Variants in GALNT17 observed in about 807,000 individuals in gnomAD.
GALNT17 encodes polypeptide N-acetylgalactosaminyltransferase 17.
A neutral mutation model predicts 63.7 loss-of-function variants in GALNT17; 29 were observed. That is an observed-to-expected ratio of 0.46 (90% CI 0.34 to 0.62). GALNT17 has a LOEUF of 0.62. Ranked by LOEUF, GALNT17 falls within the 20% of genes least tolerant of loss-of-function variation. The pLI, the probability that GALNT17 is intolerant of heterozygous loss-of-function variation, is 0.01. For missense variants in GALNT17, 603 were observed against 799.6 expected (o/e 0.75, Z 2.97); for synonymous variants, 305 against 318.3 (o/e 0.96, Z 0.45).
intron 1 of GALNT17, among the ~76,000 whole-genome samples, chr7:71,177,744 A>G (rs895801115): frequency 5.9e-5 from 9 of 152,228 alleles, no homozygotes; most frequent in African/African-American, 2.2e-4. Context: ...GAGCATGCAT[A>G]TAGCTTGTGT....
intron 5 of GALNT17, among the ~76,000 whole-genome samples, chr7:71,428,988 G>C (rs1786811998): frequency 6.6e-6 from 1 of 152,110 alleles, no homozygotes; most frequent in African/African-American, 2.4e-5. Flanking sequence ...CTCCCTTCAG[G>C]TACAGTTTGC....
chr7:71,202,831 C>G (rs1789199620), intron 1 of GALNT17, among the ~76,000 whole-genome samples: 1 of 152,178 alleles, frequency 6.6e-6, no homozygotes, highest in South Asian at 2.1e-4. Flanking sequence ...ATAAGTTTGA[C>G]TTTTTTAGAT....
chr7:71,218,931 G>A (rs1277990244), intron 1 of GALNT17, among the ~76,000 whole-genome samples: 1 of 152,106 alleles, frequency 6.6e-6, no homozygotes, highest in African/African-American at 2.4e-5. Flanking sequence ...TAGCAGTAAA[G>A]TGCAGAATAA....
chr7:71,345,147 GT>G (rs67919212), intron 2 of GALNT17, among the ~76,000 whole-genome samples: 55,133 of 139,314 alleles, frequency 0.4, 10,359 homozygotes, highest in East Asian at 0.55. Flanking sequence ...GTTGTTTTTT[GT>G]TTTTTTTTTT....
rs1250097585 is a variant in GALNT17, at chr7:71,559,898, A to AG, written c.963-11387_963-11386insG. ...GAAACACATTTTCAACATTAAAAAC[A>AG]AAAAAAAAAAAATCAGCCAGGCGCG... is the stretch of plus-strand genomic sequence containing the variant. On this transcript the variant is annotated intron_variant, in intron 5 of 10. Transcript: ENST00000333538. Among the ~76,000 whole-genome samples the AG allele has an allele frequency of 8.1e-5, 8 of 98,822 alleles. No individual in the cohort carries two copies. In the East Asian group the frequency reaches 1.4e-3, roughly 17 times the overall value. 64.8% of individuals were successfully genotyped at this position (98,822 alleles called of 152,430 possible). A position where few individuals can be genotyped will look rare whatever the true frequency, so the allele number is the denominator to read the frequency against.
Position 71,384,079 on chromosome 7 carries a change from T to G in GALNT17, c.423-4156T>G, listed in dbSNP as rs551472818. Reference sequence around the variant, plus strand: ...AACAGTGCACAAGGGTTTCAATTTCTCCGCATCCTCTTCAACACTTGTTAT... The same window carrying G: ...AACAGTGCACAAGGGTTTCAATTTCGCCGCATCCTCTTCAACACTTGTTAT... On this transcript the variant is annotated intron_variant, in intron 2 of 10. Transcript: ENST00000333538. Among the ~76,000 whole-genome samples the G allele has an allele frequency of 1.0e-3, 157 of 152,324 alleles. 1 individual carries two copies. Among genetic ancestry groups the G allele is most frequent in the Non-Finnish European group, 1.6e-3 (112 of 68,034 alleles).
At chr7:71,539,236 A>G (rs1345295336) in intron 5 of GALNT17, among the ~76,000 whole-genome samples, 3 of 152,146 alleles carry the variant, frequency 2.0e-5, no homozygotes, top group Non-Finnish European at 4.4e-5. Flanking sequence ...GCCCAGCCTC[A>G]GGATACTCAT....
In GALNT17 at chr7:71,173,638, C is replaced by T. The variant is rs945648495; in HGVS notation, c.238+40598C>T. ...AAATACAAAAATTAGCTGGGCATGG[C>T]GGTGCACACTTGTAATCCCAGCTAC... On this transcript the variant is annotated intron_variant, in intron 1 of 10. Transcript: ENST00000333538. 3.9e-5 allele frequency among the ~76,000 whole-genome samples: 6 copies of T among 152,036 alleles called. 1 individual carries two copies. The highest frequency in any genetic ancestry group is 3.9e-4 in the East Asian group (2 of 5,134).
Position 71,707,903 on chromosome 7 carries a change from G to T in GALNT17, c.1501-2858G>T, listed in dbSNP as rs570489145. 1.4e-4 allele frequency among the ~76,000 whole-genome samples: 22 copies of T among 152,300 alleles called. No individual in the cohort carries two copies. The East Asian group carries it at 2.7e-3, about 19-fold the overall frequency. ...GCCAACCAACATTCAAGGGATGGGG[G>T]AACAGACTCCATTTCTTGATGGAAA... On this transcript the variant is annotated intron_variant, in intron 9 of 10. Transcript: ENST00000333538.
chr7:71,709,786 AC>A (rs1361140964), intron 9 of GALNT17, among the ~76,000 whole-genome samples: 6 of 151,992 alleles, frequency 3.9e-5, no homozygotes, highest in Admixed American at 3.9e-4. Flanking sequence ...TTTAGAAGAG[AC>A]GGAGTTTGGC....
chr7:71,433,239 CA>C (rs1363896499), intron 5 of GALNT17, among the ~76,000 whole-genome samples: 1 of 152,122 alleles, frequency 6.6e-6, no homozygotes, highest in Admixed American at 6.5e-5. Context: ...AACCAAACAG[CA>C]GAGCCCAGAC....
chr7:71,518,370 A>G (rs1276290090), intron 5 of GALNT17, among the ~76,000 whole-genome samples: 1 of 152,206 alleles, frequency 6.6e-6, no homozygotes, highest in Non-Finnish European at 1.5e-5. Flanking sequence ...TTTGGGATCC[A>G]GGATCTAATC....
chr7:71,163,313 T>C (rs1345596811), intron 1 of GALNT17, among the ~76,000 whole-genome samples: 1 of 152,174 alleles, frequency 6.6e-6, no homozygotes, highest in Non-Finnish European at 1.5e-5. Context: ...TCCAGAGAGT[T>C]GGATGTACTA....
At chr7:71,630,590 A>G (rs1790441016) in intron 6 of GALNT17, among the ~76,000 whole-genome samples, 1 of 152,332 alleles carries the variant, frequency 6.6e-6, no homozygotes, top group African/African-American at 2.4e-5. Context: ...CAATCTCATC[A>G]ATGTTTGCAT....
rs917673511 is a variant in GALNT17, at chr7:71,274,822, C to T, written c.239-60728C>T. 5.3e-5 allele frequency among the ~76,000 whole-genome samples: 8 copies of T among 152,316 alleles called. No individual in the cohort carries two copies. In the East Asian group the frequency reaches 1.5e-3, roughly 29 times the overall value. On this transcript the variant is annotated intron_variant, in intron 1 of 10. Coordinates refer to ENST00000333538, the MANE Select transcript of GALNT17 (RefSeq NM_022479.3). ...TGTCAGCAGGAAGAGTCTGGGCAGA[C>T]AGGAAAACTCAGGGCTTCCTTCTGA...
intron 1 of GALNT17, among the ~76,000 whole-genome samples, chr7:71,210,363 C>T (rs1484521981): frequency 6.6e-6 from 1 of 152,078 alleles, no homozygotes; most frequent in Non-Finnish European, 1.5e-5. Context: ...TTTTGGACTC[C>T]TGAGCTCAGG....
At chr7:71,609,594 A>T (rs747544569) in intron 6 of GALNT17, among the ~76,000 whole-genome samples, 30 of 152,146 alleles carry the variant, frequency 2.0e-4, no homozygotes, top group Admixed American at 2.0e-3. Flanking sequence ...GGTACATGAG[A>T]TGCTTTGATA....
At chr7:71,557,071 T>G (rs113372723) in intron 5 of GALNT17, among the ~76,000 whole-genome samples, 4,387 of 131,436 alleles carry the variant, frequency 0.033, 122 homozygotes, top group African/African-American at 0.096. Context: ...TTTTTTTTTT[T>G]GGGGAGAGAT....
chr7:71,523,621 G>A (rs1217684412), intron 5 of GALNT17, among the ~76,000 whole-genome samples: 3 of 151,550 alleles, frequency 2.0e-5, no homozygotes, highest in African/African-American at 7.3e-5. Context: ...GGGGTGCGGT[G>A]GCCCCCACTA....
Sources: gnomAD v4.1 joint callset for allele counts (sites outside exome capture counted in the v4.1 genomes callset) on GRCh38, gnomAD v4.1.1 for gene constraint, MANE v1.5 for transcripts, NCBI Gene and HGNC (gene_info 2026-07-23, HGNC 2026-07-21) for gene names.